Variants in MIA2 observed in about 807,000 individuals in gnomAD.
The protein encoded by MIA2 is melanoma inhibitory activity protein 2.
In MIA2, 127 loss-of-function variants were observed where a neutral mutation model predicts 167.8. That is an observed-to-expected ratio of 0.76 (90% CI 0.66 to 0.88). MIA2 has a LOEUF of 0.88. Ranked by LOEUF, MIA2 falls within the 40% of genes least tolerant of loss-of-function variation. The pLI, the probability that MIA2 is intolerant of heterozygous loss-of-function variation, is 0.00. For missense variants in MIA2, 1,690 were observed against 1,624.7 expected (o/e 1.04, Z -0.69); for synonymous variants, 552 against 541.9 (o/e 1.02, Z -0.26).
intron 1 of MIA2, among the ~76,000 whole-genome samples, chr14:39,236,034 G>A (rs868770101): frequency 3.5e-4 from 53 of 152,152 alleles, no homozygotes; most frequent in African/African-American, 1.2e-3. Flanking sequence ...GCTGTGATTC[G>A]TTCATAGTTA....
rs749017711 is a variant in MIA2, at chr14:39,247,439, A to G, written c.865A>G (p.Lys289Glu). ...TGAATCAGAAATTGATTCAGTGCCA[A>G]AGACACAGTCTGAACTAGCATCTGA... ...ESESEIDSVP[K>E]TQSELASESE... Residue 289 changes from lysine (K) to glutamate (E), a missense_variant, in exon 4 of 29, where the codon AAG (lysine) becomes GAG (glutamate). By Grantham distance (56) the Lys-to-Glu change is moderately conservative. Coordinates refer to ENST00000640607, the MANE Select transcript of MIA2 (RefSeq NM_001329214.4). The G allele has an allele frequency of 3.1e-6, 5 of 1,614,110 alleles. No individual in the cohort carries two copies. The highest frequency in any genetic ancestry group is 1.7e-5 in the Admixed American group (1 of 60,006).
chr14:39,277,723 T>C (rs1262695964), intron 7 of MIA2, among the ~76,000 whole-genome samples: 1 of 2,514 alleles, frequency 4.0e-4, no homozygotes, highest in Non-Finnish European at 8.0e-4. Context: ...TATGTGTGTA[T>C]ATATATATAT....
chr14:39,326,865 C>A lies in MIA2; in HGVS notation c.3498C>A (p.Gly1166=). ...SPLLPGGGGR[G]SRGPGNPLDH... ...GTATGTTTTTTTTTCTTTAATTAGG[C>A]TCACGAGGCCCAGGGAATCCTCTGG... The change falls in exon 25 of 29, where the codon GGC becomes GGA. Residue 1166 remains glycine, a splice_region_variant and synonymous_variant. Coordinates refer to ENST00000640607, the MANE Select transcript of MIA2 (RefSeq NM_001329214.4). 2 of 1,561,760 alleles carry A rather than the reference C, an allele frequency of 1.3e-6. No individual in the cohort carries two copies. Among genetic ancestry groups the A allele is most frequent in the South Asian group, 1.2e-5 (1 of 80,726 alleles).
exon 24 of MIA2, chr14:39,387,670 G>T (rs1451599036): frequency 6.6e-6 from 1 of 152,208 alleles, no homozygotes; most frequent in African/African-American, 2.4e-5. Flanking sequence ...AATTTTGAAA[G>T]AAGTTCTGTG....
At chr14:39,237,119 C>T in intron 2 of MIA2, 64 bp downstream of exon 2, 1 of 1,557,998 alleles carries the variant, frequency 6.4e-7, no homozygotes, top group Middle Eastern at 1.7e-4. Flanking sequence ...AGATTCCTTC[C>T]TTTTCTTTTC....
chr14:39,376,675 G>A (rs28571663), intron 23 of MIA2, among the ~76,000 whole-genome samples: 10,943 of 152,204 alleles, frequency 0.072, 488 homozygotes, highest in South Asian at 0.18. Context: ...ATTGTGCCAC[G>A]ATTGAAGACA....
intron 13 of MIA2, among the ~76,000 whole-genome samples, chr14:39,298,993 T>G (rs2061944729): frequency 7.5e-6 from 1 of 132,696 alleles, no homozygotes; most frequent in Non-Finnish European, 1.5e-5. Flanking sequence ...GAGGGTGAGG[T>G]GAGAGAATAT....
chr14:39,295,215 G>A (rs1195141954), intron 13 of MIA2, among the ~76,000 whole-genome samples, 186 bp downstream of exon 13: 1 of 152,004 alleles, frequency 6.6e-6, no homozygotes, highest in Non-Finnish European at 1.5e-5. Flanking sequence ...GTATACTTTT[G>A]GCACCCTCTA....
At chr14:39,324,916 A>G (rs2067177457) in intron 24 of MIA2, among the ~76,000 whole-genome samples, 1 of 151,934 alleles carries the variant, frequency 6.6e-6, no homozygotes, top group South Asian at 2.1e-4. Context: ...TATTTTAGTT[A>G]GGCTTCTATT....
chr14:39,301,077 C>T (rs906008986), intron 14 of MIA2, among the ~76,000 whole-genome samples: 9 of 135,658 alleles, frequency 6.6e-5, no homozygotes, highest in East Asian at 2.2e-4. Context: ...CACACACACA[C>T]GAGATGGACT....
chr14:39,375,300 C>A (rs2075023874), intron 23 of MIA2, among the ~76,000 whole-genome samples: 1 of 152,144 alleles, frequency 6.6e-6, no homozygotes, highest in East Asian at 1.9e-4. Context: ...ATCATTAGTT[C>A]ATACTTTATT....
At chr14:39,257,276 G>A (rs747133489) in intron 6 of MIA2, among the ~76,000 whole-genome samples, 9 of 152,142 alleles carry the variant, frequency 5.9e-5, no homozygotes, top group Admixed American at 3.3e-4. Flanking sequence ...CTCCTGTATC[G>A]GGTGCATATA....
intron 25 of MIA2, among the ~76,000 whole-genome samples, chr14:39,339,351 A>G (rs1458605708): frequency 2.6e-5 from 4 of 152,212 alleles, no homozygotes; most frequent in Non-Finnish European, 5.9e-5. Flanking sequence ...GTGCTGATTG[A>G]TAACTACTTC....
At chr14:39,337,208 T>G (rs963034932) in intron 25 of MIA2, among the ~76,000 whole-genome samples, 1 of 152,174 alleles carries the variant, frequency 6.6e-6, no homozygotes, top group African/African-American at 2.4e-5. Context: ...ATGCAAACAT[T>G]AATCGAAAGA....
In MIA2 at chr14:39,253,131, T is replaced by G; in HGVS notation, c.1847T>G (p.Met616Arg). The G allele has an allele frequency of 6.2e-7, 1 of 1,608,766 alleles. No homozygotes were observed. The highest frequency in any genetic ancestry group is 8.5e-7 in the Non-Finnish European group (1 of 1,177,214). The part of the protein sequence containing the change: ...YLFQIDVYDF[M>R]NSAFSPIVIL... ...TTCCAAATTGATGTTTATGATTTCA[T>G]GAATTCTGCATTTTCACCAATTGTA... The change falls in exon 6 of 29, where the codon ATG (methionine) becomes AGG (arginine). Residue 616 changes from methionine (M) to arginine (R), a missense_variant. Met to Arg is a moderately conservative substitution (Grantham distance 91, BLOSUM62 -1). Coordinates refer to ENST00000640607, the MANE Select transcript of MIA2 (RefSeq NM_001329214.4).
intron 23 of MIA2, among the ~76,000 whole-genome samples, chr14:39,366,203 G>A (rs1375439081): frequency 6.6e-6 from 1 of 152,062 alleles, no homozygotes; most frequent in Non-Finnish European, 1.5e-5. Context: ...GCCGTCCTCA[G>A]GGCCCAGTAG....
At chr14:39,253,415 A>C in intron 6 of MIA2, 1 of 530,370 alleles carries the variant, frequency 1.9e-6, no homozygotes, top group Non-Finnish European at 3.3e-6. Context: ...TTTTTACTCC[A>C]CCCTCCCCAT....
intron 23 of MIA2, among the ~76,000 whole-genome samples, chr14:39,371,489 CGT>C (rs2074945802): frequency 6.6e-6 from 1 of 152,172 alleles, no homozygotes; most frequent in African/African-American, 2.4e-5. Context: ...CAGGGTTCAT[CGT>C]GTGTCTATTT....
rs752695520 is a variant in MIA2 at position 39,294,936 on chromosome 14, C to T, written c.2403C>T (p.Thr801=). The change falls in exon 13 of 29, where the codon ACC becomes ACT. Residue 801 remains threonine (T), a synonymous_variant. Transcript: ENST00000640607. Reference sequence around the variant, plus strand: ...TTTGTTTCACTTAGGCCAAAATGACCTTCAAGATATTTCAAATGAATGAAG... The same window carrying T: ...TTTGTTTCACTTAGGCCAAAATGACTTTCAAGATATTTCAAATGAATGAAG... The part of the protein sequence containing the change: ...LKSQVAEAKM[T]FKIFQMNEER... The T allele has an allele frequency of 8.7e-6, 14 of 1,611,854 alleles. No homozygotes were observed. The highest frequency in any genetic ancestry group is 2.2e-5 in the East Asian group (1 of 44,862).
Sources: allele counts gnomAD v4.1 joint callset (sites outside exome capture counted in the v4.1 genomes callset), GRCh38; gene constraint gnomAD v4.1.1; transcripts MANE v1.5; gene names NCBI Gene and HGNC (gene_info 2026-07-23, HGNC 2026-07-21).